Variants in TTC7A observed in about 807,000 individuals in gnomAD.
TTC7A encodes the protein tetratricopeptide repeat domain 7A.
TTC7A carries 110 observed loss-of-function variants against 103.7 expected under a neutral mutation model. The ratio of observed to expected loss-of-function variants is 1.06; its 90% CI spans 0.91 to 1.24. The LOEUF (loss-of-function observed/expected upper bound fraction) is 1.24, where lower values mean the gene tolerates loss of function less well. Among genes scored for constraint, TTC7A ranks in the 50% most tolerant of loss-of-function variants. The pLI is 0.00. For synonymous variants in TTC7A, 521 were observed against 467.9 expected (o/e 1.11, Z -1.47); for missense variants, 1,340 against 1,116.3 (o/e 1.20, Z -2.86).
chr2:47,067,475 G>A (rs1235855596), intron 19 of TTC7A, among the ~76,000 whole-genome samples: 1 of 152,248 alleles, frequency 6.6e-6, no homozygotes, highest in African/African-American at 2.4e-5. Context: ...AGGGTGCTGA[G>A]AAGACAGGGA....
At chr2:47,046,146 CAGAG>C (rs1237913120) in intron 15 of TTC7A, among the ~76,000 whole-genome samples, 165 bp from the exon 16 acceptor site, 1 of 152,230 alleles carries the variant, frequency 6.6e-6, no homozygotes, top group Non-Finnish European at 1.5e-5. Flanking sequence ...CTGAGGCACA[CAGAG>C]AAAGCAAGCG....
At chr2:46,952,472 A>C (rs1671499701) in intron 2 of TTC7A, among the ~76,000 whole-genome samples, 1 of 152,222 alleles carries the variant, frequency 6.6e-6, no homozygotes, top group Admixed American at 6.5e-5. Context: ...TAAAAGTCCC[A>C]GCTGGCCTAT....
intron 1 of TTC7A, among the ~76,000 whole-genome samples, chr2:46,949,094 A>G (rs904132204): frequency 2.6e-5 from 4 of 152,164 alleles, no homozygotes; most frequent in Non-Finnish European, 4.4e-5. Context: ...TGGTGAAACC[A>G]TCTTGACCTC....
At chr2:47,072,649 TGCG>T (rs1430476812) in intron 19 of TTC7A, among the ~76,000 whole-genome samples, 1 of 152,068 alleles carries the variant, frequency 6.6e-6, no homozygotes, top group Non-Finnish European at 1.5e-5. Flanking sequence ...CCACCCCCAC[TGCG>T]GCCCCCGCCT....
chr2:47,035,456 C>T (rs1387281288), intron 15 of TTC7A: 2 of 152,244 alleles, frequency 1.3e-5, no homozygotes, highest in Non-Finnish European at 2.9e-5. Flanking sequence ...TCCTCATTAG[C>T]TAAGCTGAGT....
chr2:47,071,442 A>C (rs563210761), intron 19 of TTC7A, among the ~76,000 whole-genome samples: 21 of 152,068 alleles, frequency 1.4e-4, no homozygotes, highest in African/African-American at 4.3e-4. Context: ...ACCTGGAAGG[A>C]CCCTCTGCTC....
At chr2:47,021,795 G>A (rs1184394121) in intron 11 of TTC7A, 67 bp from the exon 12 acceptor site, 1 of 1,263,268 alleles carries the variant, frequency 7.9e-7, no homozygotes. Context: ...AACAGGTCCA[G>A]GGAGTCATTC....
At chr2:47,050,085 C>A in intron 17 of TTC7A, 39 bp downstream of exon 17, 2 of 1,498,536 alleles carry the variant, frequency 1.3e-6, no homozygotes, top group East Asian at 2.3e-5. Flanking sequence ...TGCATGGACC[C>A]ACAGCTCACA....
chr2:47,016,617 C>G (rs1678683816), intron 11 of TTC7A, among the ~76,000 whole-genome samples: 1 of 152,218 alleles, frequency 6.6e-6, no homozygotes, highest in East Asian at 1.9e-4. Flanking sequence ...TTGAAGAGAA[C>G]TCTGGAAACT....
intron 3 of TTC7A, among the ~76,000 whole-genome samples, chr2:46,963,606 T>C (rs903037783): frequency 6.6e-6 from 1 of 152,232 alleles, no homozygotes; most frequent in African/African-American, 2.4e-5. Context: ...ACCAGACTTA[T>C]GGTTATAATA....
chr2:46,934,568 C>G (rs1209460088), intron 2 of TTC7A, among the ~76,000 whole-genome samples: 1 of 152,074 alleles, frequency 6.6e-6, no homozygotes, highest in Non-Finnish European at 1.5e-5. Context: ...GCCACCCAAC[C>G]CGGCCTGTGA....
chr2:47,001,250 G>C (rs759808078), intron 8 of TTC7A, among the ~76,000 whole-genome samples: 1 of 152,178 alleles, frequency 6.6e-6, no homozygotes, highest in Non-Finnish European at 1.5e-5. Context: ...CAGAGGGAGA[G>C]GTTAGTGCTG....
rs189858484 is a variant in TTC7A at position 47,032,335 on chromosome 2, A to G, written c.1802+2951A>G. On this transcript the variant is annotated intron_variant, in intron 15 of 19. Coordinates refer to ENST00000319190, the MANE Select transcript of TTC7A (RefSeq NM_020458.4). ...CTGGTGCAGACTGTGCTGGTTGTCA[A>G]TGTGCAGAGTAACTGTGCCCCTGTC... 2.2e-3 allele frequency among the ~76,000 whole-genome samples: 338 copies of G among 152,306 alleles called. 1 individual carries two copies. The highest frequency in any genetic ancestry group is 7.6e-3 in the African/African-American group (314 of 41,562).
intron 19 of TTC7A, chr2:47,065,842 C>G (rs926265444): frequency 6.6e-6 from 1 of 151,902 alleles, no homozygotes; most frequent in African/African-American, 2.4e-5. Flanking sequence ...CAACTTGACA[C>G]CCTCAAGCAT....
At chr2:46,925,400 A>G (rs942126725) in intron 2 of TTC7A, among the ~76,000 whole-genome samples, 2 of 152,194 alleles carry the variant, frequency 1.3e-5, no homozygotes, top group African/African-American at 4.8e-5. Context: ...TCTACTAAAA[A>G]TACAAAAATT....
chr2:46,954,339 G>T (rs1671658553), intron 2 of TTC7A, among the ~76,000 whole-genome samples: 1 of 152,060 alleles, frequency 6.6e-6, no homozygotes, highest in Non-Finnish European at 1.5e-5. Flanking sequence ...CCTCCCACTG[G>T]GCAAGGGGTT....
intron 11 of TTC7A, among the ~76,000 whole-genome samples, chr2:47,015,849 G>A (rs2104512223): frequency 6.6e-6 from 1 of 152,326 alleles, no homozygotes; most frequent in East Asian, 1.9e-4. Context: ...CCACCAGCTT[G>A]TAGAAATTGG....
chr2:46,929,400 C>T (rs544992285), intron 2 of TTC7A, among the ~76,000 whole-genome samples: 1 of 152,096 alleles, frequency 6.6e-6, no homozygotes, highest in African/African-American at 2.4e-5. Context: ...GGCAGGATTG[C>T]TTGAGCCCAG....
intron 15 of TTC7A, among the ~76,000 whole-genome samples, chr2:47,034,961 T>C (rs1051186649): frequency 2.0e-5 from 3 of 152,196 alleles, no homozygotes; most frequent in Middle Eastern, 3.2e-3. Flanking sequence ...ACCTAGACTG[T>C]TTTGGAAAAT....
Sources: gnomAD v4.1 joint callset for allele counts (sites outside exome capture counted in the v4.1 genomes callset) on GRCh38, gnomAD v4.1.1 for gene constraint, MANE v1.5 for transcripts, NCBI Gene and HGNC (gene_info 2026-07-23, HGNC 2026-07-21) for gene names.